The following ERG variants were observed in gnomAD, a reference collection of about 807,000 sequenced individuals.
The protein encoded by ERG is ETS transcription factor ERG.
A neutral mutation model predicts 55.3 loss-of-function variants in ERG; 9 were observed. That is an observed-to-expected ratio of 0.16 (90% confidence interval 0.10 to 0.28). ERG has a LOEUF of 0.28. Ranked by LOEUF, ERG falls within the 10% of genes least tolerant of loss-of-function variation. The probability of loss-of-function intolerance (pLI) is 1.00; values close to 1 mark genes in which losing one functional copy is unlikely to be tolerated. For synonymous variants in ERG, 223 were observed against 237.3 expected (o/e 0.94, Z 0.55); for missense variants, 434 against 631.6 (o/e 0.69, Z 3.35).
At position 38,543,363 on chromosome 21, in the gene ERG, T is replaced by TAA. The variant is rs772766504; in HGVS notation, c.-41+32298_-41+32299insTT. Among the ~76,000 whole-genome samples the TAA allele has an allele frequency of 5.5e-3, 355 of 64,822 alleles. 4 individuals carry two copies. The highest frequency in any genetic ancestry group is 0.021 in the South Asian group (29 of 1,412). 42.5% of individuals were successfully genotyped at this position (64,822 alleles called of 152,430 possible). ...TACATATGTATATGTGTGTTTTTTT[T>TAA]TAAAAAAAAAGCAATTCCACTGTAA... On this transcript the variant is annotated intron_variant, in intron 2 of 8. Coordinates refer to the ERG transcript ENST00000398897.
At chr21:38,479,166 T>C (rs2059214980) in intron 1 of ERG, among the ~76,000 whole-genome samples, 1 of 152,248 alleles carries the variant, frequency 6.6e-6, no homozygotes, top group Admixed American at 6.5e-5. Flanking sequence ...AGTTTTATTT[T>C]TTCATCAACA....
chr21:38,594,680 T>C (rs889357857), intron 1 of ERG, among the ~76,000 whole-genome samples: 1 of 152,144 alleles, frequency 6.6e-6, no homozygotes, highest in African/African-American at 2.4e-5. Flanking sequence ...CAGCCTTGAA[T>C]AGCAGAACCC....
intron 1 of ERG, among the ~76,000 whole-genome samples, chr21:38,445,956 C>T (rs1377938443): frequency 1.3e-5 from 2 of 151,568 alleles, no homozygotes; most frequent in East Asian, 3.9e-4. Flanking sequence ...CACTATTTGA[C>T]AAATGCAATC....
At chr21:38,394,369 T>TGG (rs1569061589) in intron 6 of ERG, among the ~76,000 whole-genome samples, 23 of 151,818 alleles carry the variant, frequency 1.5e-4, no homozygotes, top group African/African-American at 5.1e-4. Context: ...TTTTTTTTTT[T>TGG]GGAGGTGGAG....
intron 2 of ERG, among the ~76,000 whole-genome samples, chr21:38,552,044 C>G (rs140618676): frequency 1.3e-5 from 2 of 152,264 alleles, no homozygotes; most frequent in Non-Finnish European, 2.9e-5. Flanking sequence ...GCATACATAT[C>G]TAGAACAGTT....
chr21:38,543,737 CTTTTT>C (rs542648278), intron 2 of ERG, among the ~76,000 whole-genome samples: 1 of 133,410 alleles, frequency 7.5e-6, no homozygotes. Flanking sequence ...GTGAGAAACA[CTTTTT>C]TTTTTTTTTT....
At chr21:38,442,957 A>G (rs2058855732) in intron 2 of ERG, among the ~76,000 whole-genome samples, 3 of 151,920 alleles carry the variant, frequency 2.0e-5, no homozygotes, top group Non-Finnish European at 2.9e-5. Flanking sequence ...ACAGGTGCCC[A>G]CCACCACGCC....
intron 2 of ERG, among the ~76,000 whole-genome samples, chr21:38,535,013 G>A (rs1010101284): frequency 2.6e-5 from 4 of 151,968 alleles, no homozygotes; most frequent in African/African-American, 9.7e-5. Flanking sequence ...GTGTTACATA[G>A]GTAAACGTGT....
chr21:38,411,058 A>G (rs1989024062), intron 3 of ERG, among the ~76,000 whole-genome samples: 1 of 152,232 alleles, frequency 6.6e-6, no homozygotes, highest in African/African-American at 2.4e-5. Context: ...CAAAAATAAG[A>G]TTTAACATCT....
intron 2 of ERG, among the ~76,000 whole-genome samples, chr21:38,529,991 T>C (rs1363810092): frequency 6.6e-6 from 1 of 151,912 alleles, no homozygotes; most frequent in Admixed American, 6.6e-5. Flanking sequence ...ACAAAAACCA[T>C]GGGAAAGAAC....
At chr21:38,482,830 A>G (rs2059250184) in intron 1 of ERG, among the ~76,000 whole-genome samples, 1 of 152,032 alleles carries the variant, frequency 6.6e-6, no homozygotes, top group African/African-American at 2.4e-5. Flanking sequence ...GGCACCCACG[A>G]CCACACCCCA....
At chr21:38,503,368 C>CT (rs35953821), upstream of ERG, among the ~76,000 whole-genome samples, 91,390 of 148,538 alleles carry the variant, frequency 0.62, 28,073 homozygotes, top group African/African-American at 0.71. Context: ...GCATAGAGCT[C>CT]TTTTTTTTTT....
intron 2 of ERG, among the ~76,000 whole-genome samples, chr21:38,566,729 C>T (rs1371092597): frequency 2.0e-5 from 3 of 152,110 alleles, no homozygotes; most frequent in Admixed American, 6.5e-5. Flanking sequence ...AACATGGTTC[C>T]TTTTATAAAT....
intron 1 of ERG, among the ~76,000 whole-genome samples, chr21:38,451,558 G>T (rs1193546485): frequency 6.6e-6 from 1 of 152,172 alleles, no homozygotes; most frequent in African/African-American, 2.4e-5. Flanking sequence ...CAGACCTAAG[G>T]ATATTGGAAA....
In ERG at chr21:38,380,387, C is replaced by T. The variant is rs1011229055; in HGVS notation, c.*3016G>A. 5.7e-6 allele frequency: 6 copies of T among 1,061,612 alleles called. No individual in the cohort carries two copies. The African/African-American group carries it at 8.2e-5, about 15-fold the overall frequency. 65.8% of individuals were successfully genotyped at this position (1,061,612 alleles called of 1,614,324 possible). On this transcript the variant is annotated 3_prime_UTR_variant, in exon 10 of 10. Transcript: ENST00000288319. The stretch of plus-strand genomic sequence containing the variant: ...AAGCACTTTGTGAACCCCTCCGGGA[C>T]ATAAGGGCATCAAACTAGGAACAAA...
At chr21:38,655,725 A>G (rs764890397) in intron 1 of ERG, among the ~76,000 whole-genome samples, 1 of 152,152 alleles carries the variant, frequency 6.6e-6, no homozygotes, top group Non-Finnish European at 1.5e-5. Context: ...TGAAACTGTC[A>G]TGGTTTTAAG....
chr21:38,645,764 G>A (rs1362685118), intron 1 of ERG, among the ~76,000 whole-genome samples: 1 of 152,178 alleles, frequency 6.6e-6, no homozygotes, highest in Non-Finnish European at 1.5e-5. Flanking sequence ...CAGTGAAAAT[G>A]TATGTCCCTT....
At chr21:38,502,731 C>T (rs913573937), upstream of ERG, 5 of 150,952 alleles carry the variant, frequency 3.3e-5, no homozygotes, top group Admixed American at 1.3e-4. Context: ...TGTTAAATAA[C>T]CTTTTTTTTT....
intron 2 of ERG, among the ~76,000 whole-genome samples, chr21:38,520,308 A>G (rs2059585082): frequency 6.6e-6 from 1 of 152,208 alleles, no homozygotes; most frequent in South Asian, 2.1e-4. Flanking sequence ...TAGAACCTGC[A>G]CAACAAATAG....
Sources: allele counts gnomAD v4.1 joint callset (sites outside exome capture counted in the v4.1 genomes callset), GRCh38; gene constraint gnomAD v4.1.1; transcripts MANE v1.5; gene names NCBI Gene and HGNC (gene_info 2026-07-23, HGNC 2026-07-21).